CLASP2: variants seen among roughly 807,000 people sequenced by gnomAD.
The protein encoded by CLASP2 is CLIP-associating protein 2.
Under a neutral mutation model 194.4 loss-of-function variants are expected in CLASP2, and 47 were observed. The observed-to-expected ratio is 0.24, with a 90% CI of 0.19 to 0.31. The LOEUF (loss-of-function observed/expected upper bound fraction) is 0.31. Ranked by LOEUF, CLASP2 falls within the 10% of genes least tolerant of loss-of-function variation. CLASP2 has a pLI of 1.00. For synonymous variants in CLASP2, 619 were observed against 633.5 expected, an observed-to-expected ratio of 0.98 and a Z score of 0.34; for missense variants, 1,445 against 1,823.6, an observed-to-expected ratio of 0.79 and a Z score of 3.78.
chr3:33,539,057 G>C (rs2057878861), intron 32 of CLASP2, 115 bp from the exon 33 acceptor site: 2 of 728,504 alleles, frequency 2.7e-6, no homozygotes, highest in Non-Finnish European at 4.0e-6. Context: ...TATATTCTCA[G>C]AGCATAATTA....
At chr3:33,621,750 A>G (rs967995720) in intron 11 of CLASP2, among the ~76,000 whole-genome samples, 1 of 152,188 alleles carries the variant, frequency 6.6e-6, no homozygotes, top group African/African-American at 2.4e-5. Context: ...TGCTAAGTTA[A>G]TGATGCATGT....
chr3:33,622,561 T>TTTTA (rs571819368), intron 10 of CLASP2, among the ~76,000 whole-genome samples: 9 of 152,294 alleles, frequency 5.9e-5, no homozygotes, highest in African/African-American at 2.2e-4. Context: ...AGGGAATCTA[T>TTTTA]TTTATTTATT....
At chr3:33,505,155 C>T (rs2047792664) in intron 37 of CLASP2, 1 of 152,082 alleles carries the variant, frequency 6.6e-6, no homozygotes. Flanking sequence ...ACTTAGGAAG[C>T]CACTTCAGCC....
intron 34 of CLASP2, among the ~76,000 whole-genome samples, chr3:33,530,645 C>T (rs1162555900): frequency 6.6e-6 from 1 of 152,132 alleles, no homozygotes; most frequent in East Asian, 1.9e-4. Flanking sequence ...GATGGTATGA[C>T]AGCAATGATA....
intron 21 of CLASP2, among the ~76,000 whole-genome samples, chr3:33,588,007 A>G (rs1452155081): frequency 6.6e-6 from 1 of 152,230 alleles, no homozygotes; most frequent in Non-Finnish European, 1.5e-5. Context: ...GGAAACTTGT[A>G]GTTCAGAAAC....
chr3:33,561,018 T>A (rs374059891), intron 27 of CLASP2, 47 bp from the exon 28 acceptor site: 2 of 1,520,826 alleles, frequency 1.3e-6, no homozygotes, highest in Admixed American at 3.6e-5. Flanking sequence ...AGAGGAAATA[T>A]TGACCTCTAT....
chr3:33,682,336 A>G (rs2089985725), intron 6 of CLASP2, among the ~76,000 whole-genome samples: 1 of 152,238 alleles, frequency 6.6e-6, no homozygotes, highest in Non-Finnish European at 1.5e-5. Context: ...AATATTTACA[A>G]GTGAAATGTT....
intron 21 of CLASP2, among the ~76,000 whole-genome samples, chr3:33,589,371 T>G (rs2068154153): frequency 6.6e-6 from 1 of 152,098 alleles, no homozygotes; most frequent in South Asian, 2.1e-4. Flanking sequence ...GAGAGACTTT[T>G]TTTTTCTAAG....
intron 1 of CLASP2, among the ~76,000 whole-genome samples, chr3:33,714,645 C>T (rs1023940736): frequency 2.6e-5 from 4 of 152,184 alleles, no homozygotes; most frequent in Non-Finnish European, 5.9e-5. Flanking sequence ...TGCTATCAAA[C>T]CAGGCCTAGC....
intron 27 of CLASP2, among the ~76,000 whole-genome samples, chr3:33,561,351 G>A (rs2061765349): frequency 6.6e-6 from 1 of 152,220 alleles, no homozygotes; most frequent in Admixed American, 6.5e-5. Context: ...TTTCTGAAGA[G>A]TGGCACTGAG....
chr3:33,612,295 A>C (rs1051898441), intron 12 of CLASP2, among the ~76,000 whole-genome samples: 2 of 152,226 alleles, frequency 1.3e-5, no homozygotes, highest in African/African-American at 4.8e-5. Flanking sequence ...ATATGATCTA[A>C]CAAAGAAAAG....
intron 6 of CLASP2, among the ~76,000 whole-genome samples, chr3:33,674,609 G>C (rs1209093240): frequency 6.6e-6 from 1 of 151,918 alleles, no homozygotes; most frequent in Non-Finnish European, 1.5e-5. Flanking sequence ...AGGAAATAGA[G>C]ACACAAAAAA....
At chr3:33,531,683 G>A (rs537893010) in intron 34 of CLASP2, among the ~76,000 whole-genome samples, 1 of 152,170 alleles carries the variant, frequency 6.6e-6, no homozygotes, top group Non-Finnish European at 1.5e-5. Flanking sequence ...GCTGAGGCAG[G>A]AGAATTGTTT....
intron 3 of CLASP2, 119 bp downstream of exon 3, chr3:33,689,710 T>C: frequency 1.6e-6 from 1 of 622,244 alleles, no homozygotes; most frequent in South Asian, 2.9e-5. Context: ...AAATATCAAC[T>C]TCTTAACAGT....
At chr3:33,561,081 T>C (rs1466048489) in intron 27 of CLASP2, 110 bp from the exon 28 acceptor site, 11 of 909,048 alleles carry the variant, frequency 1.2e-5, no homozygotes, top group East Asian at 7.9e-5. Flanking sequence ...GGCACAGCGA[T>C]TGGCAGCCAA....
At chr3:33,576,067 T>A (rs1268978596) in intron 24 of CLASP2, 102 bp downstream of exon 24, 1 of 790,340 alleles carries the variant, frequency 1.3e-6, no homozygotes, top group East Asian at 2.7e-5. Flanking sequence ...ATTTAATCAC[T>A]GATTTTTCCC....
intron 26 of CLASP2, among the ~76,000 whole-genome samples, chr3:33,569,961 A>C (rs2063442862): frequency 6.6e-6 from 1 of 152,148 alleles, no homozygotes; most frequent in Non-Finnish European, 1.5e-5. Flanking sequence ...GTAAAGTGAA[A>C]TTCATTAATA....
At chr3:33,644,989 T>C (rs907597388) in intron 7 of CLASP2, 86 bp from the exon 8 acceptor site, 2 of 1,353,790 alleles carry the variant, frequency 1.5e-6, no homozygotes, top group Admixed American at 2.2e-5. Flanking sequence ...TAAAGCCATA[T>C]ATAAAATCAT....
At chr3:33,666,419 C>A (rs1418745621) in intron 6 of CLASP2, among the ~76,000 whole-genome samples, 1 of 152,204 alleles carries the variant, frequency 6.6e-6, no homozygotes, top group Non-Finnish European at 1.5e-5. Flanking sequence ...AAGACTATAT[C>A]TAGCCTATGA....
Sources: allele counts gnomAD v4.1 joint callset (sites outside exome capture counted in the v4.1 genomes callset), GRCh38; gene constraint gnomAD v4.1.1; transcripts MANE v1.5; gene names NCBI Gene and HGNC (gene_info 2026-07-23, HGNC 2026-07-21).